The following RALGDS variants were observed in gnomAD, a reference collection of about 807,000 sequenced individuals.
The protein encoded by RALGDS is ral guanine nucleotide dissociation stimulator.
A neutral mutation model predicts 99.8 loss-of-function variants in RALGDS; 44 were observed. The observed-to-expected ratio is 0.44, with a 90% CI of 0.35 to 0.57. The LOEUF (loss-of-function observed/expected upper bound fraction) is 0.57. Ranked by LOEUF, RALGDS falls within the 20% of genes least tolerant of loss-of-function variation. The probability of loss-of-function intolerance (pLI) is 0.01; values close to 1 mark genes in which losing one functional copy is unlikely to be tolerated. For missense variants in RALGDS, 1,022 were observed against 1,203.1 expected (o/e 0.85, Z 2.23); for synonymous variants, 529 against 505.0 (o/e 1.05, Z -0.64).
In RALGDS at chr9:133,121,194, CGGCGGGG is replaced by C. The variant is rs1831923859; in HGVS notation, c.-47_-41del. 1.1e-6 allele frequency: 1 copy of C among 884,320 alleles called. No individual in the cohort carries two copies. Among genetic ancestry groups the C allele is most frequent in the Non-Finnish European group, 1.4e-6 (1 of 740,416 alleles). The allele number at this position is 884,320 out of a possible 1,614,324, so 54.8% of individuals were successfully genotyped here. On this transcript the variant is annotated 5_prime_UTR_variant, in exon 1 of 18. Coordinates refer to ENST00000372050, the MANE Select transcript of RALGDS (RefSeq NM_006266.4). ...GCGGGCGCGGGGCCGGCCCGGCGCG[CGGCGGGG>C]GCGGCGGCGCGGCCCGCGCGGCTGG...
intron 4 of RALGDS, 90 bp from the exon 5 acceptor site, chr9:133,108,956 C>G (rs1831208295): frequency 7.7e-7 from 1 of 1,296,164 alleles, no homozygotes. Flanking sequence ...CATCTGAAGG[C>G]CACCTGCCCC....
chr9:133,121,284 G>A (rs1210149273), upstream of RALGDS: 3 of 967,282 alleles, frequency 3.1e-6, no homozygotes, highest in African/African-American at 1.8e-5. Context: ...CTGGGGGGCG[G>A]GGCCGGAGGG....
Position 133,101,559 on chromosome 9 carries a change from G to T in RALGDS, c.2415C>A (p.Ser805Arg). 1 of 1,612,320 alleles carries T rather than the reference G, an allele frequency of 6.2e-7. No individual in the cohort carries two copies. The change falls in exon 16 of 18, where the codon AGC (serine) becomes AGA (arginine). Residue 805 changes from serine (S) to arginine (R), a missense_variant. Around this residue, in one of 3 missense-constraint regions of RALGDS, gnomAD observed 825 missense variants for 994.5 expected, o/e 0.83. Transcript: ENST00000372050. ...ACATGTTGCCATTGTCCACGTCCAG[G>T]CTGACGCGGATGATACAGCAGTCGC... ...QVGDCCIIRV[S>R]LDVDNGNMYK...
chr9:133,132,058 A>T (rs1004799807), upstream of RALGDS, among the ~76,000 whole-genome samples: 1 of 152,232 alleles, frequency 6.6e-6, no homozygotes, highest in Non-Finnish European at 1.5e-5. Context: ...GGAGTGCCAT[A>T]GCCTGACTCC....
intron 1 of RALGDS, among the ~76,000 whole-genome samples, chr9:133,118,365 C>A (rs1472150560): frequency 6.6e-6 from 1 of 152,228 alleles, no homozygotes; most frequent in African/African-American, 2.4e-5. Context: ...GAGATGCTCC[C>A]TGTGAATACA....
At chr9:133,139,811 C>A (rs1312569378) in intron 1 of RALGDS, among the ~76,000 whole-genome samples, 2 of 152,194 alleles carry the variant, frequency 1.3e-5, no homozygotes, top group East Asian at 1.9e-4. Flanking sequence ...TGCGGAGGGC[C>A]TGCCCATGCG....
Position 133,102,053 on chromosome 9 carries a change from C to G in RALGDS, c.2096G>C (p.Ser699Thr). The change falls in exon 15 of 18, where the codon AGC becomes ACC. Residue 699 changes from serine (S) to threonine (T), a missense_variant. This residue lies in a region of RALGDS where 825 missense variants were observed against 994.5 expected (regional missense o/e 0.83). Transcript: ENST00000372050. Reference sequence around the variant, plus strand: ...GAGCGCGTCAGCGATGTCCCCGCTGCTGAGGTAGGGGCCACACCTGAGCTG... The same window carrying G: ...GAGCGCGTCAGCGATGTCCCCGCTGGTGAGGTAGGGGCCACACCTGAGCTG... ...CDQLRCGPYL[S>T]SGDIADALSV... The G allele has an allele frequency of 6.4e-7, 1 of 1,563,282 alleles. No homozygotes were observed. The highest frequency in any genetic ancestry group is 2.4e-5 in the East Asian group (1 of 42,138).
chr9:133,121,399 C>T (rs1037284424), upstream of RALGDS: 5 of 202,118 alleles, frequency 2.5e-5, no homozygotes, highest in African/African-American at 9.5e-5. Context: ...GGGGCGGGAC[C>T]GGGAGCCTGG....
intron 4 of RALGDS, 108 bp from the exon 5 acceptor site, chr9:133,108,974 G>C: frequency 9.1e-7 from 1 of 1,104,274 alleles, no homozygotes; most frequent in Non-Finnish European, 1.3e-6. Context: ...CCCGGCCCAA[G>C]CCCCCTTGGC....
chr9:133,146,166 T>C (rs1362118394), intron 1 of RALGDS, among the ~76,000 whole-genome samples: 1 of 150,012 alleles, frequency 6.7e-6, no homozygotes, highest in Non-Finnish European at 1.5e-5. Context: ...TTCCAATGGC[T>C]CCCATGATGT....
rs1332884371 is a variant in RALGDS, at chr9:133,108,458, A to G, written c.779-52T>C. 8.6e-6 allele frequency: 13 copies of G among 1,503,220 alleles called. 1 individual carries two copies. The Middle Eastern group carries it at 5.4e-4, about 63-fold the overall frequency. 93.1% of individuals were successfully genotyped at this position (1,503,220 alleles called of 1,614,324 possible). On this transcript the variant is annotated intron_variant, in intron 5 of 17. Coordinates refer to ENST00000372050, the MANE Select transcript of RALGDS (RefSeq NM_006266.4). ...ATGCCAGCCTTTCCTGTGCCTTTCC[A>G]AAGACACAGAACAGCCCCGGCTTCC...
chr9:133,100,953 CAG>C lies in RALGDS; in HGVS notation c.2454+565_2454+566del. The C allele has an allele frequency of 3.8e-6, 4 of 1,046,328 alleles. No individual in the cohort carries two copies. The South Asian group carries it at 1.4e-4, about 36-fold the overall frequency. The allele number at this position is 1,046,328 out of a possible 1,614,324, so 64.8% of individuals were successfully genotyped here. A position where few individuals can be genotyped will look rare whatever the true frequency, so the allele number is the denominator to read the frequency against. On this transcript the variant is annotated intron_variant, in intron 16 of 17. Transcript: ENST00000372050. ...GGGCACCTGACCCAGGGCTGGGGTACAGAGGGTGGGGGTTACAAATGGTTCAT... is the reference window on the plus strand; with the variant it reads ...GGGCACCTGACCCAGGGCTGGGGTACAGGGTGGGGGTTACAAATGGTTCAT...
Position 133,108,885 on chromosome 9 carries a change from C to T in RALGDS, c.585-19G>A. The stretch of plus-strand genomic sequence containing the variant: ...GATGGCACTGGGGACAGGTGGGTGG[C>T]AGCAGAGTCAGAGGCCTGGGCTCCC... On this transcript the variant is annotated intron_variant, in intron 4 of 17. Coordinates refer to ENST00000372050, the MANE Select transcript of RALGDS (RefSeq NM_006266.4). 3.7e-6 allele frequency: 6 copies of T among 1,601,232 alleles called. No homozygotes were observed. The highest frequency in any genetic ancestry group is 5.1e-6 in the Non-Finnish European group (6 of 1,171,616).
At chr9:133,129,284 G>A in intron 1 of RALGDS, 1 of 1,594,350 alleles carries the variant, frequency 6.3e-7, no homozygotes, top group South Asian at 1.1e-5. Flanking sequence ...GGGCACGGCA[G>A]GCCTGGCACA....
intron 17 of RALGDS, chr9:133,100,054 T>G: frequency 1.6e-6 from 1 of 624,010 alleles, no homozygotes; most frequent in Non-Finnish European, 2.9e-6. Flanking sequence ...AGCTTTGAAC[T>G]GCCTGTTCAC....
chr9:133,104,799 G>A (rs964472265), intron 9 of RALGDS, among the ~76,000 whole-genome samples: 3 of 152,104 alleles, frequency 2.0e-5, no homozygotes, highest in Admixed American at 6.5e-5. Flanking sequence ...GAGACAGAGC[G>A]AGACTCCTTC....
intron 1 of RALGDS, among the ~76,000 whole-genome samples, chr9:133,142,511 G>T (rs1289005019): frequency 2.6e-5 from 4 of 152,098 alleles, no homozygotes; most frequent in African/African-American, 9.6e-5. Context: ...TTTTTTCTGG[G>T]GCTTGTCATT....
rs745523786 is a variant in RALGDS at position 133,108,343 on chromosome 9, C to T, written c.842G>A (p.Arg281Gln). The T allele has an allele frequency of 3.5e-5, 54 of 1,541,168 alleles. No individual in the cohort carries two copies. Among genetic ancestry groups the T allele is most frequent in the Admixed American group, 1.6e-4 (8 of 51,004 alleles). Residue 281 changes from arginine (R) to glutamine (Q), a missense_variant, in exon 6 of 18, where the codon CGA becomes CAA. Arg to Gln is a conservative substitution (Grantham distance 43). Transcript: ENST00000372050. ...PELELALTPARAPSPVPAPAP... is the reference protein window; with the variant it reads ...PELELALTPAQAPSPVPAPAP... The stretch of plus-strand genomic sequence containing the variant: ...TGGAGCCGGCACTGGGCTGGGTGCT[C>T]GAGCTGGTGTTAGAGCTAGCTCGAG...
upstream of RALGDS, among the ~76,000 whole-genome samples, chr9:133,124,135 G>GAC (rs1332073557): frequency 1.0e-4 from 12 of 120,430 alleles, 1 homozygote; most frequent in African/African-American, 2.5e-4. Flanking sequence ...CAGAGACACA[G>GAC]ACACACACAC....
Sources: gnomAD v4.1 joint callset for allele counts (sites outside exome capture counted in the v4.1 genomes callset) on GRCh38, gnomAD v4.1.1 for gene constraint, gnomAD v4.1.1 regional missense constraint, MANE v1.5 for transcripts, NCBI Gene and HGNC (gene_info 2026-07-23, HGNC 2026-07-21) for gene names.